Variants in ABCC8 observed in about 807,000 individuals in gnomAD.
ABCC8 encodes ATP-binding cassette sub-family C member 8.
ABCC8 carries 137 observed loss-of-function variants against 188.0 expected under a neutral mutation model. That is an observed-to-expected ratio of 0.73 (90% CI 0.63 to 0.84). The LOEUF (loss-of-function observed/expected upper bound fraction) is 0.84, where lower values mean the gene tolerates loss of function less well. ABCC8 is among the 40% of genes least tolerant of loss of function. ABCC8 has a pLI of 0.00. For synonymous variants in ABCC8, 797 were observed against 846.5 expected (o/e 0.94, Z 1.01); for missense variants, 1,750 against 2,072.7 (o/e 0.84, Z 3.02).
chr11:17,395,679 G>A lies in ABCC8; in HGVS notation c.4238C>T (p.Pro1413Leu), dbSNP rs1436692401. 1.3e-6 allele frequency: 2 copies of A among 1,560,164 alleles called. No homozygotes were observed. Among genetic ancestry groups the A allele is most frequent in the East Asian group, 2.4e-5 (1 of 41,932 alleles). Reference sequence around the variant, plus strand: ...GAGGCGTGAGCGCAGGGTGTGCAGCGGCAGTTTGGCGATGTCAATGCCATC... The same window carrying A: ...GAGGCGTGAGCGCAGGGTGTGCAGCAGCAGTTTGGCGATGTCAATGCCATC... ...IIDGIDIAKLPLHTLRSRLSI... is the reference protein window; with the variant it reads ...IIDGIDIAKLLLHTLRSRLSI... The change falls in exon 35 of 39, where the codon CCG becomes CTG. Residue 1413 changes from proline (P) to leucine (L), a missense_variant. By Grantham distance (98) the Pro-to-Leu change is moderately conservative. Transcript: ENST00000389817.
chr11:17,412,568 A>T lies in ABCC8; in HGVS notation c.2556+98T>A, dbSNP rs918698410. On this transcript the variant is annotated intron_variant, in intron 21 of 38. Coordinates refer to ENST00000389817, the MANE Select transcript of ABCC8 (RefSeq NM_000352.6). ...AGGAGGGATTTACTCCTGGAGAGGGAGATTGTTGGATGATGGTGGGGTTGC... is the reference window on the plus strand; with the variant it reads ...AGGAGGGATTTACTCCTGGAGAGGGTGATTGTTGGATGATGGTGGGGTTGC... 2.1e-6 allele frequency: 3 copies of T among 1,460,076 alleles called. No homozygotes were observed. In the African/African-American group the frequency reaches 4.2e-5, roughly 21 times the overall value. 90.4% of individuals were successfully genotyped at this position (1,460,076 alleles called of 1,614,324 possible).
intron 19 of ABCC8, among the ~76,000 whole-genome samples, chr11:17,414,146 T>C (rs1249305634): frequency 2.6e-5 from 4 of 152,210 alleles, no homozygotes; most frequent in African/African-American, 9.7e-5. Flanking sequence ...GCCTGGTATG[T>C]AGTAAGAGCG....
intron 17 of ABCC8, among the ~76,000 whole-genome samples, chr11:17,415,767 C>T (rs1419340312): frequency 2.0e-5 from 3 of 152,198 alleles, no homozygotes; most frequent in Non-Finnish European, 4.4e-5. Context: ...CAGAGCCAGG[C>T]CAGGCCAGGC....
chr11:17,436,243 T>C, intron 10 of ABCC8: 1 of 530,414 alleles, frequency 1.9e-6, no homozygotes, highest in South Asian at 1.8e-5. Context: ...TCTCTGAAGA[T>C]CATCTTTTGG....
intron 5 of ABCC8, 123 bp downstream of exon 5, chr11:17,461,460 C>T (rs1410367539): frequency 2.3e-6 from 3 of 1,312,906 alleles, no homozygotes; most frequent in Non-Finnish European, 3.2e-6. Flanking sequence ...GCTTCTTCCC[C>T]TCACCAGCCT....
At chr11:17,471,276 C>G (rs1035211574) in intron 2 of ABCC8, among the ~76,000 whole-genome samples, 2 of 152,180 alleles carry the variant, frequency 1.3e-5, no homozygotes, top group African/African-American at 4.8e-5. Flanking sequence ...TGGACAGAGA[C>G]TGAGAGAGCA....
At chr11:17,403,281 C>T (rs1057085196) in intron 28 of ABCC8, among the ~76,000 whole-genome samples, 3 of 152,192 alleles carry the variant, frequency 2.0e-5, no homozygotes, top group Admixed American at 6.5e-5. Context: ...GAATTGCCTC[C>T]TGCTCCCCAA....
chr11:17,462,072 G>C (rs1564978311), intron 4 of ABCC8, among the ~76,000 whole-genome samples: 1 of 152,124 alleles, frequency 6.6e-6, no homozygotes. Flanking sequence ...AGGCTGGGTT[G>C]GGTTTAGGTT....
At chr11:17,417,051 C>T in intron 16 of ABCC8, 89 bp from the exon 17 acceptor site, 1 of 1,594,474 alleles carries the variant, frequency 6.3e-7, no homozygotes, top group African/African-American at 1.3e-5. Flanking sequence ...GAGAAGCAAT[C>T]CCCACCTCCA....
intron 2 of ABCC8, among the ~76,000 whole-genome samples, chr11:17,470,848 G>T (rs1046980600): frequency 6.6e-6 from 1 of 152,146 alleles, no homozygotes; most frequent in Admixed American, 6.5e-5. Context: ...TAAGTGGGTG[G>T]ACTGTGGCCT....
intron 2 of ABCC8, 70 bp from the exon 3 acceptor site, chr11:17,470,292 G>T (rs1848412023): frequency 6.2e-7 from 1 of 1,607,728 alleles, no homozygotes; most frequent in African/African-American, 1.3e-5. Flanking sequence ...CCCAGGCCTT[G>T]AATTTCAAAG....
chr11:17,450,415 T>TTTTC (rs1956762399), intron 7 of ABCC8, among the ~76,000 whole-genome samples: 1 of 147,412 alleles, frequency 6.8e-6, no homozygotes, highest in Non-Finnish European at 1.5e-5. Context: ...TTTTTTTTTT[T>TTTTC]TCAGAGTCTT....
At chr11:17,399,146 C>T (rs1415428638) in intron 29 of ABCC8, 1 of 152,554 alleles carries the variant, frequency 6.6e-6, no homozygotes, top group African/African-American at 2.4e-5. Context: ...GTGGTGCACA[C>T]CTGTAATCCC....
chr11:17,435,985 G>A (rs74363581), intron 10 of ABCC8: 55 of 1,574,062 alleles, frequency 3.5e-5, no homozygotes, highest in African/African-American at 3.4e-4. Context: ...GATGGACATC[G>A]CCATGGGAAG....
Position 17,398,425 on chromosome 11 carries a change from G to A in ABCC8, c.3667C>T (p.Gln1223Ter), listed in dbSNP as rs1954056970. Residue 1223 changes from glutamine (Q) to a stop codon, truncating the protein, a stop_gained, in exon 30 of 39, where the codon CAG (glutamine) becomes TAG (stop). Coordinates refer to ENST00000389817, the MANE Select transcript of ABCC8 (RefSeq NM_000352.6). LOFTEE classifies it high-confidence loss of function. ...IRAFRYEARF[Q>*]QKLLEYTDSN... The stretch of plus-strand genomic sequence containing the variant: ...TCTGTGTATTCGAGAAGCTTCTGCT[G>A]GAACCGGGCCTCATACCTGGAGGGA... 6.2e-7 allele frequency: 1 copy of A among 1,614,124 alleles called. No homozygotes were observed.
chr11:17,446,201 G>A (rs1261437609), intron 8 of ABCC8, among the ~76,000 whole-genome samples: 1 of 151,982 alleles, frequency 6.6e-6, no homozygotes, highest in African/African-American at 2.4e-5. Context: ...CCTGACCTCA[G>A]GTGAACCATC....
intron 7 of ABCC8, among the ~76,000 whole-genome samples, chr11:17,450,195 C>T (rs1308085839): frequency 1.3e-5 from 2 of 151,878 alleles, no homozygotes; most frequent in Non-Finnish European, 2.9e-5. Context: ...CGGAAATCTC[C>T]AAAAGAAAGA....
intron 7 of ABCC8, among the ~76,000 whole-genome samples, chr11:17,449,524 C>T (rs987153841): frequency 6.6e-6 from 1 of 152,224 alleles, no homozygotes; most frequent in Non-Finnish European, 1.5e-5. Flanking sequence ...CCTCACAGGG[C>T]AGACAGAGAG....
At chr11:17,405,436 C>G in intron 27 of ABCC8, 58 bp downstream of exon 27, 1 of 1,611,784 alleles carries the variant, frequency 6.2e-7, no homozygotes, top group African/African-American at 1.3e-5. Context: ...ACAGGAGAAG[C>G]CCCCAGGGGT....
Sources: allele counts gnomAD v4.1 joint callset (sites outside exome capture counted in the v4.1 genomes callset), GRCh38; gene constraint gnomAD v4.1.1; transcripts MANE v1.5; gene names NCBI Gene and HGNC (gene_info 2026-07-23, HGNC 2026-07-21).